Variants in FAM13A observed in about 807,000 individuals in gnomAD.
The protein encoded by FAM13A is family with sequence similarity 13 member A.
FAM13A carries 76 observed loss-of-function variants against 129.6 expected under a neutral mutation model. That is an observed-to-expected ratio of 0.59 (90% CI 0.49 to 0.71). The LOEUF is 0.71. FAM13A is among the 30% of genes least tolerant of loss of function. FAM13A has a pLI of 0.00. For synonymous variants in FAM13A, 443 were observed against 449.9 expected, an observed-to-expected ratio of 0.98 and a Z score of 0.20; for missense variants, 1,108 against 1,249.3, an observed-to-expected ratio of 0.89 and a Z score of 1.70.
intron 3 of FAM13A, among the ~76,000 whole-genome samples, chr4:89,011,078 C>T (rs1765668184): frequency 6.6e-6 from 1 of 152,126 alleles, no homozygotes; most frequent in African/African-American, 2.4e-5. Context: ...AAACTCCTGA[C>T]CTCAGGTGAT....
At chr4:88,846,074 A>T (rs2149960496) in intron 7 of FAM13A, among the ~76,000 whole-genome samples, 1 of 152,290 alleles carries the variant, frequency 6.6e-6, no homozygotes, top group South Asian at 2.1e-4. Flanking sequence ...AAAACATTTA[A>T]TATTAATCTC....
intron 13 of FAM13A, among the ~76,000 whole-genome samples, chr4:88,760,497 G>A (rs535136260): frequency 1.3e-5 from 1 of 75,074 alleles, no homozygotes; most frequent in African/African-American, 3.5e-5. Flanking sequence ...CCGGCTACTC[G>A]GGAGGCTGAG....
intron 4 of FAM13A, among the ~76,000 whole-genome samples, chr4:88,987,849 A>AAAAAAAAAAAC (rs1207687700): frequency 6.6e-6 from 1 of 150,454 alleles, no homozygotes; most frequent in African/African-American, 2.5e-5. Flanking sequence ...AAAAAAAAAA[A>AAAAAAAAAAAC]AAAAAACTTA....
chr4:88,971,214 C>A (rs771987865), intron 4 of FAM13A, among the ~76,000 whole-genome samples: 14 of 151,896 alleles, frequency 9.2e-5, no homozygotes, highest in Non-Finnish European at 1.9e-4. Context: ...TGAGACTCTG[C>A]CTCAAAAAGA....
chr4:88,983,768 T>C (rs1042462825), intron 4 of FAM13A, among the ~76,000 whole-genome samples: 1 of 152,184 alleles, frequency 6.6e-6, no homozygotes. Context: ...TATCAAAATA[T>C]TGACTAACTT....
At chr4:88,991,257 G>A (rs1179511574) in intron 3 of FAM13A, 107 bp from the exon 4 acceptor site, 1 of 767,356 alleles carries the variant, frequency 1.3e-6, no homozygotes. Flanking sequence ...AAAAACTCTT[G>A]AGAGACTGAG....
At chr4:88,937,859 A>C in intron 5 of FAM13A, 2 of 558,266 alleles carry the variant, frequency 3.6e-6, no homozygotes, top group Non-Finnish European at 6.3e-6. Flanking sequence ...TTTTGAGATG[A>C]CTTTATAGCA....
chr4:89,013,054 C>T (rs571008034), intron 3 of FAM13A, among the ~76,000 whole-genome samples: 7 of 151,908 alleles, frequency 4.6e-5, no homozygotes, highest in Non-Finnish European at 8.8e-5. Flanking sequence ...TACTGGCAAG[C>T]GCAGCATCTG....
intron 11 of FAM13A, among the ~76,000 whole-genome samples, chr4:88,775,068 T>C (rs1392902540): frequency 6.6e-6 from 1 of 152,108 alleles, no homozygotes; most frequent in Non-Finnish European, 1.5e-5. Flanking sequence ...AGAAGAGATA[T>C]GAGACAAAAA....
intron 11 of FAM13A, among the ~76,000 whole-genome samples, chr4:88,773,381 G>A (rs1432604304): frequency 6.6e-6 from 1 of 152,046 alleles, no homozygotes; most frequent in Non-Finnish European, 1.5e-5. Context: ...ACTTAATCAG[G>A]CTCTTCCTGC....
chr4:88,779,229 T>C (rs1326274519), intron 11 of FAM13A, among the ~76,000 whole-genome samples: 1 of 152,156 alleles, frequency 6.6e-6, no homozygotes, highest in Non-Finnish European at 1.5e-5. Flanking sequence ...TGACATATAA[T>C]TATGTATAAT....
chr4:88,842,506 T>C (rs938741776), intron 7 of FAM13A, among the ~76,000 whole-genome samples: 4 of 152,246 alleles, frequency 2.6e-5, no homozygotes, highest in Non-Finnish European at 4.4e-5. Context: ...CTTTCTATTA[T>C]ATATTATTGT....
At chr4:89,025,274 T>TTTTTG (rs1767813291) in intron 2 of FAM13A, among the ~76,000 whole-genome samples, 1 of 103,974 alleles carries the variant, frequency 9.6e-6, no homozygotes, top group Non-Finnish European at 1.9e-5. Flanking sequence ...TTTTTTTTTT[T>TTTTTG]TGAGACGGAG....
At chr4:89,037,437 C>T (rs1769530506) in intron 1 of FAM13A, among the ~76,000 whole-genome samples, 1 of 152,104 alleles carries the variant, frequency 6.6e-6, no homozygotes, top group South Asian at 2.1e-4. Flanking sequence ...ACACCTGTAC[C>T]CCATTTTATC....
chr4:88,850,958 G>A (rs1270030319), intron 7 of FAM13A, 62 bp downstream of exon 7: 12 of 1,447,674 alleles, frequency 8.3e-6, no homozygotes, highest in East Asian at 2.3e-5. Context: ...CTACATATGC[G>A]GGCCTAAACA....
At position 88,781,153 on chromosome 4, in the gene FAM13A, G is replaced by A. The variant is rs374477220; in HGVS notation, c.1458+12C>T. 3.3e-5 allele frequency: 51 copies of A among 1,540,070 alleles called. 2 individuals carry two copies. The highest frequency in any genetic ancestry group is 9.7e-5 in the South Asian group (8 of 82,480). On this transcript the variant is annotated intron_variant, in intron 11 of 23. Coordinates refer to ENST00000264344, the MANE Select transcript of FAM13A (RefSeq NM_014883.4). Reference sequence around the variant, plus strand: ...TCCTAACAAGTAAAACTTTATAGACGTATTCACTTACCACAAGACCGTCCT... The same window carrying A: ...TCCTAACAAGTAAAACTTTATAGACATATTCACTTACCACAAGACCGTCCT...
At chr4:88,976,159 T>C (rs1399338988) in intron 4 of FAM13A, among the ~76,000 whole-genome samples, 1 of 152,210 alleles carries the variant, frequency 6.6e-6, no homozygotes, top group Non-Finnish European at 1.5e-5. Context: ...GTAGTGTTGA[T>C]GAGTTTTGGC....
chr4:88,893,679 G>A (rs1217076286), intron 6 of FAM13A, among the ~76,000 whole-genome samples: 1 of 140,336 alleles, frequency 7.1e-6, no homozygotes, highest in South Asian at 2.3e-4. Context: ...TAAGCCGGGC[G>A]TGGTGGCGGG....
chr4:89,000,770 G>A (rs1764152680), intron 3 of FAM13A, among the ~76,000 whole-genome samples: 1 of 152,212 alleles, frequency 6.6e-6, no homozygotes, highest in Admixed American at 6.5e-5. Context: ...AAGAAAGTCA[G>A]AGGAGACCTT....
Sources: allele counts gnomAD v4.1 joint callset (sites outside exome capture counted in the v4.1 genomes callset), GRCh38; gene constraint gnomAD v4.1.1; transcripts MANE v1.5; gene names NCBI Gene and HGNC (gene_info 2026-07-23, HGNC 2026-07-21).